DHX8: variants seen among roughly 807,000 people sequenced by gnomAD.
DHX8 encodes DEAH-box helicase 8, also known as ATP-dependent RNA helicase DHX8.
Under a neutral mutation model 140.7 loss-of-function variants are expected in DHX8, and 67 were observed. The ratio of observed to expected loss-of-function variants is 0.48; its 90% CI spans 0.39 to 0.58. The LOEUF is 0.58. Among genes scored for constraint, DHX8 ranks in the 20% least tolerant of loss-of-function variants. The probability of loss-of-function intolerance (pLI) is 0.00; values close to 1 mark genes in which losing one functional copy is unlikely to be tolerated. For synonymous variants in DHX8, 533 were observed against 553.2 expected (o/e 0.96, Z 0.51); for missense variants, 887 against 1,550.7 (o/e 0.57, Z 7.19).
intron 11 of DHX8, 108 bp downstream of exon 11, chr17:43,500,211 G>T: frequency 6.2e-6 from 8 of 1,294,968 alleles, no homozygotes; most frequent in Non-Finnish European, 8.5e-6. Flanking sequence ...TTGGGCCGGG[G>T]CGGTGGCTCA....
At chr17:43,531,938 C>G (rs940346144) in intron 2 of DHX8, among the ~76,000 whole-genome samples, 1 of 152,212 alleles carries the variant, frequency 6.6e-6, no homozygotes, top group Non-Finnish European at 1.5e-5. Context: ...AAACCTCAAA[C>G]ACCTGTTAAA....
chr17:43,540,875 G>A (rs1971486292), intron 3 of DHX8, among the ~76,000 whole-genome samples: 1 of 152,104 alleles, frequency 6.6e-6, no homozygotes, highest in African/African-American at 2.4e-5. Flanking sequence ...GGGAAAGGGT[G>A]GTGCAGAACT....
At chr17:43,528,587 G>C, downstream of DHX8, 2 of 1,614,080 alleles carry the variant, frequency 1.2e-6, no homozygotes, top group Non-Finnish European at 1.7e-6. Context: ...AGGTAGGCGG[G>C]GCTCTCATCC....
chr17:43,499,970 C>T lies in DHX8; in HGVS notation c.1413C>T (p.Ser471=). Residue 471 remains serine, a synonymous_variant, in exon 11 of 23, where the codon TCC becomes TCT. Transcript: ENST00000262415. The part of the protein sequence containing the change: ...PIKIVKNPDG[S]LSQAAMMQSA... ...TGTTGCACCAGAACCCAGACGGCTC[C>T]CTCTCCCAAGCAGCAATGATGCAGA... The T allele has an allele frequency of 6.2e-7, 1 of 1,614,006 alleles. No individual in the cohort carries two copies. The highest frequency in any genetic ancestry group is 8.5e-7 in the Non-Finnish European group (1 of 1,179,960).
In DHX8 at chr17:43,483,996, A is replaced by C. The variant is rs760150666; in HGVS notation, c.-42A>C. The stretch of plus-strand genomic sequence containing the variant: ...CTGGAACCCGGCCGGAGTAGCTCTG[A>C]GCGCCGGCTGTGAGGAAGGAGGTTC... On this transcript the variant is annotated 5_prime_UTR_variant, in exon 1 of 23. Coordinates refer to ENST00000262415, the MANE Select transcript of DHX8 (RefSeq NM_004941.3). 6.2e-7 allele frequency: 1 copy of C among 1,611,222 alleles called. No homozygotes were observed. The highest frequency in any genetic ancestry group is 8.5e-7 in the Non-Finnish European group (1 of 1,178,410).
At chr17:43,504,551 G>A in intron 11 of DHX8, 93 bp from the exon 12 acceptor site, 1 of 1,254,862 alleles carries the variant, frequency 8.0e-7, no homozygotes, top group Non-Finnish European at 1.1e-6. Flanking sequence ...TTGAGATGCT[G>A]CATGTGCAGT....
intron 3 of DHX8, among the ~76,000 whole-genome samples, chr17:43,541,363 G>A (rs1306667411): frequency 2.6e-5 from 4 of 152,220 alleles, no homozygotes; most frequent in East Asian, 3.8e-4. Context: ...CTGAGTCTTG[G>A]CTGCCAAGCC....
chr17:43,544,770 G>T, downstream of DHX8: 1 of 543,838 alleles, frequency 1.8e-6, no homozygotes. Flanking sequence ...CTGGCTCAGG[G>T]TAGAGAAAAT....
At chr17:43,518,319 C>G (rs567370337) in intron 18 of DHX8, 2 of 152,222 alleles carry the variant, frequency 1.3e-5, no homozygotes, top group Non-Finnish European at 2.9e-5. Flanking sequence ...TTTATATACA[C>G]TTGAATCGTG....
chr17:43,509,605 G>A (rs551206000), intron 16 of DHX8, among the ~76,000 whole-genome samples: 54 of 150,484 alleles, frequency 3.6e-4, no homozygotes, highest in Non-Finnish European at 6.4e-4. Flanking sequence ...TGCCTCAGCC[G>A]CCTAAGCAGC....
chr17:43,507,167 A>G lies in DHX8; in HGVS notation c.1893A>G (p.Ser631=). ...CTATGTCGGTGGCCAAAAGAGTGTC[A>G]GAGGAGTTTGGTTGTTGCTTAGGCC... ...VAAMSVAKRV[S]EEFGCCLGQE... The change falls in exon 13 of 23, where the codon TCA becomes TCG. Residue 631 remains serine, a synonymous_variant. Transcript: ENST00000262415. 6.2e-7 allele frequency: 1 copy of G among 1,613,842 alleles called. No individual in the cohort carries two copies. Among genetic ancestry groups the G allele is most frequent in the Non-Finnish European group, 8.5e-7 (1 of 1,179,906 alleles).
intron 9 of DHX8, among the ~76,000 whole-genome samples, chr17:43,497,173 A>G (rs1325995309): frequency 6.6e-6 from 1 of 151,914 alleles, no homozygotes; most frequent in Non-Finnish European, 1.5e-5. Context: ...TCTATCCCTA[A>G]ACATTATATT....
intron 10 of DHX8, 87 bp downstream of exon 10, chr17:43,499,046 T>C (rs531555236): frequency 3.1e-6 from 3 of 983,450 alleles, no homozygotes; most frequent in Non-Finnish European, 4.5e-6. Context: ...TCTGCGTAAG[T>C]AGAACTTGGG....
chr17:43,543,496 A>G (rs1971634754), intron 3 of DHX8, among the ~76,000 whole-genome samples: 1 of 152,000 alleles, frequency 6.6e-6, no homozygotes, highest in South Asian at 2.1e-4. Flanking sequence ...CAGCCCTAGG[A>G]GCTGCCCACT....
chr17:43,518,304 C>G (rs745482909), intron 18 of DHX8: 5 of 152,208 alleles, frequency 3.3e-5, no homozygotes, highest in Non-Finnish European at 7.3e-5. Flanking sequence ...CCTACCACAT[C>G]ACACTTTATA....
At chr17:43,529,257 G>A (rs1291971806), downstream of DHX8, 6 of 1,611,138 alleles carry the variant, frequency 3.7e-6, no homozygotes, top group Non-Finnish European at 5.1e-6. Context: ...AACAGTTTTG[G>A]GGTAGAGATG....
intron 11 of DHX8, among the ~76,000 whole-genome samples, chr17:43,503,404 A>G (rs990300104): frequency 6.6e-6 from 1 of 151,980 alleles, no homozygotes; most frequent in African/African-American, 2.4e-5. Flanking sequence ...GGCTGAGGCA[A>G]GAGAATCACT....
Position 43,525,235 on chromosome 17 carries a change from C to A in DHX8, c.*1388C>A. The A allele has an allele frequency of 1.0e-6, 1 of 985,424 alleles. No individual in the cohort carries two copies. Among genetic ancestry groups the A allele is most frequent in the Non-Finnish European group, 1.2e-6 (1 of 829,948 alleles). The allele number at this position is 985,424 out of a possible 1,614,324, so 61.0% of individuals were successfully genotyped here. On this transcript the variant is annotated 3_prime_UTR_variant, in exon 23 of 23. Coordinates refer to ENST00000262415, the MANE Select transcript of DHX8 (RefSeq NM_004941.3). ...CACATCCTGTTACGTTGCTGCTTCTCCTGTCCTTATGTTATTAGTAAGTTC... is the reference window on the plus strand; with the variant it reads ...CACATCCTGTTACGTTGCTGCTTCTACTGTCCTTATGTTATTAGTAAGTTC...
chr17:43,499,666 T>A (rs1168524787), intron 10 of DHX8, among the ~76,000 whole-genome samples: 1 of 152,138 alleles, frequency 6.6e-6, no homozygotes, highest in Non-Finnish European at 1.5e-5. Flanking sequence ...TACAGAAAAA[T>A]TCTTATACCT....
Sources: gnomAD v4.1 joint callset for allele counts (sites outside exome capture counted in the v4.1 genomes callset) on GRCh38, gnomAD v4.1.1 for gene constraint, MANE v1.5 for transcripts, NCBI Gene and HGNC (gene_info 2026-07-23, HGNC 2026-07-21) for gene names.